PHACTR2: variants seen among roughly 807,000 people sequenced by gnomAD.
The protein encoded by PHACTR2 is chromosome 6 open reading frame 56.
PHACTR2 carries 30 observed loss-of-function variants against 76.0 expected under a neutral mutation model. The ratio of observed to expected loss-of-function variants is 0.39; its 90% CI spans 0.30 to 0.54. The LOEUF (loss-of-function observed/expected upper bound fraction) is 0.54, where lower values mean the gene tolerates loss of function less well. Among genes scored for constraint, PHACTR2 ranks in the 20% least tolerant of loss-of-function variants. The pLI is 0.61. For synonymous variants in PHACTR2, 292 were observed against 292.5 expected, an observed-to-expected ratio of 1.00 and a Z score of 0.02; for missense variants, 696 against 781.1, an observed-to-expected ratio of 0.89 and a Z score of 1.30.
At chr6:143,632,422 C>G (rs1031998266) in intron 1 of PHACTR2, among the ~76,000 whole-genome samples, 6 of 152,122 alleles carry the variant, frequency 3.9e-5, no homozygotes, top group Non-Finnish European at 8.8e-5. Flanking sequence ...ATGTGTTTGA[C>G]TTTTTAAAAG....
In PHACTR2 at chr6:143,563,144, T is replaced by A. The variant is rs1219619736; in HGVS notation, c.217+25937T>A. On this transcript the variant is annotated intron_variant, in intron 1 of 11. Transcript: ENST00000367584. ...GTATTTTTTACCACAATTCTTTTTT[T>A]AAAAAAAGCAACAAGAAGGGAAGAA... 3.9e-5 allele frequency among the ~76,000 whole-genome samples: 6 copies of A among 152,180 alleles called. No individual in the cohort carries two copies. The East Asian group carries it at 5.8e-4, about 15-fold the overall frequency.
At chr6:143,612,670 T>C (rs1214339120) in intron 1 of PHACTR2, among the ~76,000 whole-genome samples, 2 of 152,180 alleles carry the variant, frequency 1.3e-5, no homozygotes, top group African/African-American at 2.4e-5. Flanking sequence ...TGTTAATATA[T>C]GTACGTATGT....
chr6:143,718,875 G>GTTTTTTT (rs1226236202), intron 2 of PHACTR2, among the ~76,000 whole-genome samples: 10 of 123,506 alleles, frequency 8.1e-5, no homozygotes, highest in East Asian at 2.8e-4. Flanking sequence ...AGTTGGAAGT[G>GTTTTTTT]TTTTTTTTTT....
Position 143,652,130 on chromosome 6 carries a change from G to A in PHACTR2, c.13+43808G>A, listed in dbSNP as rs961030821. ...GCTTTATACTAAAAATGATGGCGGT[G>A]ATGGGGGAACCGTTTACTAGGTACA... On this transcript the variant is annotated intron_variant, in intron 1 of 11. Coordinates refer to the PHACTR2 transcript ENST00000305766. The surrounding 1 kb of genome is among the most constrained non-coding windows in gnomAD (Gnocchi z 4.5). Among the ~76,000 whole-genome samples, 1 of 151,066 alleles carries A rather than the reference G, an allele frequency of 6.6e-6. No homozygotes were observed. Among genetic ancestry groups the A allele is most frequent in the African/African-American group, 2.4e-5 (1 of 41,194 alleles).
intron 2 of PHACTR2, among the ~76,000 whole-genome samples, chr6:143,725,544 G>A (rs1778546179): frequency 6.6e-6 from 1 of 151,816 alleles, no homozygotes. Flanking sequence ...CCTAACTTCT[G>A]GCAACTACTG....
In PHACTR2 at chr6:143,801,170, G is replaced by A. The variant is rs1450979720; in HGVS notation, c.1846-5887G>A. 6.6e-6 allele frequency among the ~76,000 whole-genome samples: 1 copy of A among 152,076 alleles called. No individual in the cohort carries two copies. Among genetic ancestry groups the A allele is most frequent in the East Asian group, 1.9e-4 (1 of 5,196 alleles). ...ACCTTCGTGAATCTGACAGTTATGT[G>A]TCTTGGGGTTGCTCTTCTCGGGCAA... On this transcript the variant is annotated intron_variant, in intron 11 of 12. Coordinates refer to ENST00000440869, the MANE Select transcript of PHACTR2 (RefSeq NM_001100164.2). This position sits in a 1 kb window ranked among gnomAD's most constrained non-coding sequence, Gnocchi z 4.6.
chr6:143,642,549 C>T (rs1776585546), intron 1 of PHACTR2, among the ~76,000 whole-genome samples: 1 of 152,090 alleles, frequency 6.6e-6, no homozygotes. Context: ...GAAGTCCTAA[C>T]CCGTAGTACC....
chr6:143,696,965 G>A lies in PHACTR2; in HGVS notation c.47-15051G>A, dbSNP rs1302233133. ...TGCCAGTCTTAAAGAATGATTCCTC[G>A]TCATTGAACATGTTACATTGTAGAG... On this transcript the variant is annotated intron_variant, in intron 1 of 12. Transcript: ENST00000440869. The surrounding 1 kb of genome is among the most constrained non-coding windows in gnomAD (Gnocchi z 4.1). Among the ~76,000 whole-genome samples the A allele has an allele frequency of 3.3e-5, 5 of 152,078 alleles. No individual in the cohort carries two copies. The highest frequency in any genetic ancestry group is 4.8e-5 in the African/African-American group (2 of 41,402).
At chr6:143,752,099 T>A (rs1297792249) in intron 3 of PHACTR2, among the ~76,000 whole-genome samples, 2 of 152,114 alleles carry the variant, frequency 1.3e-5, no homozygotes, top group Non-Finnish European at 2.9e-5. Context: ...GTCACAGCTA[T>A]TAAAATTTCC....
rs1779432973 is a variant in PHACTR2 at position 143,761,198 on chromosome 6, T to C, written c.694+558T>C. Among the ~76,000 whole-genome samples, 1 of 152,192 alleles carries C rather than the reference T, an allele frequency of 6.6e-6. No homozygotes were observed. The highest frequency in any genetic ancestry group is 1.5e-5 in the Non-Finnish European group (1 of 68,026). On this transcript the variant is annotated intron_variant, in intron 5 of 12. Coordinates refer to ENST00000440869, the MANE Select transcript of PHACTR2 (RefSeq NM_001100164.2). The surrounding 1 kb of genome is among the most constrained non-coding windows in gnomAD (Gnocchi z 5.2). Reference sequence around the variant, plus strand: ...CCACTTTCTACTGCAGTGAAAACTATTTCAGTGGAGTGGAAAGTTACACTC... The same window carrying C: ...CCACTTTCTACTGCAGTGAAAACTACTTCAGTGGAGTGGAAAGTTACACTC...
rs1211519841 is a variant in PHACTR2, at chr6:143,646,602, C to T, written c.13+38280C>T. On this transcript the variant is annotated intron_variant, in intron 1 of 11. Transcript: ENST00000305766. The surrounding 1 kb of genome is among the most constrained non-coding windows in gnomAD (Gnocchi z 4.1). Reference sequence around the variant, plus strand: ...GAACTAGAGTTCCCTTTCCTAGGTACATGGAGCAAATAGAGAAGATAATTA... The same window carrying T: ...GAACTAGAGTTCCCTTTCCTAGGTATATGGAGCAAATAGAGAAGATAATTA... Among the ~76,000 whole-genome samples, 2 of 152,090 alleles carry T rather than the reference C, an allele frequency of 1.3e-5. No homozygotes were observed. Among genetic ancestry groups the T allele is most frequent in the Admixed American group, 6.5e-5 (1 of 15,278 alleles).
At chr6:143,752,616 C>T (rs1280508680) in intron 3 of PHACTR2, among the ~76,000 whole-genome samples, 9 of 152,080 alleles carry the variant, frequency 5.9e-5, no homozygotes. Context: ...GACATAATTT[C>T]ATGATATGTA....
intron 5 of PHACTR2, among the ~76,000 whole-genome samples, chr6:143,763,644 A>G (rs896047103): frequency 1.3e-5 from 2 of 152,230 alleles, no homozygotes; most frequent in Non-Finnish European, 2.9e-5. Context: ...CCCCAAAACC[A>G]TAGGGATTCC....
rs1424945709 is a variant in PHACTR2 at position 143,656,162 on chromosome 6, T to C, written c.13+47840T>C. 6.6e-6 allele frequency among the ~76,000 whole-genome samples: 1 copy of C among 152,212 alleles called. No individual in the cohort carries two copies. The highest frequency in any genetic ancestry group is 1.5e-5 in the Non-Finnish European group (1 of 68,026). ...AGGAAATAACAGGCGCAGAGACTTC[T>C]AGCAGGGTTGTCTGGTGGGACATGC... On this transcript the variant is annotated intron_variant, in intron 1 of 11. Coordinates refer to the PHACTR2 transcript ENST00000305766. This position sits in a 1 kb window ranked among gnomAD's most constrained non-coding sequence, Gnocchi z 5.3.
At chr6:143,792,670 A>G (rs979057874) in intron 11 of PHACTR2, among the ~76,000 whole-genome samples, 3 of 152,176 alleles carry the variant, frequency 2.0e-5, no homozygotes, top group Non-Finnish European at 4.4e-5. Flanking sequence ...GGAGGCTCCA[A>G]GATAACCTCT....
intron 1 of PHACTR2, among the ~76,000 whole-genome samples, chr6:143,706,469 C>T (rs1778056772): frequency 6.6e-6 from 1 of 152,200 alleles, no homozygotes; most frequent in African/African-American, 2.4e-5. Context: ...ATGTCTCCAA[C>T]TCTCATCAGG....
In PHACTR2 at chr6:143,772,320, G is replaced by T. The variant is rs755367522; in HGVS notation, c.1295G>T (p.Gly432Val). 3 of 1,613,936 alleles carry T rather than the reference G, an allele frequency of 1.9e-6. No individual in the cohort carries two copies. The South Asian group carries it at 3.3e-5, about 18-fold the overall frequency. ...CAGCTACTGACTCCTGGGCTGATGG[G>T]CGAATCTTCAGAATCCTTTAGTGCC... ...VPQLLTPGLM[G>V]ESSESFSASE... Residue 432 changes from glycine (G) to valine (V), a missense_variant, in exon 7 of 13, where the codon GGC becomes GTC. Coordinates refer to ENST00000440869, the MANE Select transcript of PHACTR2 (RefSeq NM_001100164.2). This position sits in a 1 kb window ranked among gnomAD's most constrained non-coding sequence, Gnocchi z 5.4.
At chr6:143,797,030 C>T (rs1360866414) in intron 11 of PHACTR2, among the ~76,000 whole-genome samples, 2 of 152,144 alleles carry the variant, frequency 1.3e-5, no homozygotes, top group South Asian at 2.1e-4. Context: ...CCACTAACAG[C>T]GTAAAAGCAT....
intron 1 of PHACTR2, among the ~76,000 whole-genome samples, chr6:143,545,208 G>T (rs1158982212): frequency 6.6e-6 from 1 of 152,158 alleles, no homozygotes; most frequent in South Asian, 2.1e-4. Context: ...GCCTCCCAAA[G>T]TGCTGGGATT....
Sources: allele counts gnomAD v4.1 joint callset (sites outside exome capture counted in the v4.1 genomes callset), GRCh38; gene constraint gnomAD v4.1.1; non-coding constraint Gnocchi (gnomAD v3.1); transcripts MANE v1.5; gene names NCBI Gene and HGNC (gene_info 2026-07-23, HGNC 2026-07-21).